IRS1: variants seen among roughly 807,000 people sequenced by gnomAD.
IRS1 encodes insulin receptor substrate 1.
IRS1 carries 34 observed loss-of-function variants against 65.6 expected under a neutral mutation model. The ratio of observed to expected loss-of-function variants is 0.52; its 90% CI spans 0.39 to 0.69. The LOEUF (loss-of-function observed/expected upper bound fraction) is 0.69, where lower values mean the gene tolerates loss of function less well. Ranked by LOEUF, IRS1 falls within the 30% of genes least tolerant of loss-of-function variation. The pLI, the probability that IRS1 is intolerant of heterozygous loss-of-function variation, is 0.00. For missense variants in IRS1, 1,641 were observed against 1,720.2 expected (o/e 0.95, Z 0.81); for synonymous variants, 699 against 683.5 (o/e 1.02, Z -0.35).
intron 1 of IRS1, among the ~76,000 whole-genome samples, chr2:226,778,133 T>C (rs116216537): frequency 0.01 from 1,587 of 152,284 alleles, 23 homozygotes; most frequent in African/African-American, 0.035. Flanking sequence ...TATTTAAATA[T>C]GGTCATCGTG....
chr2:226,760,871 C>T (rs1938903804), intron 1 of IRS1, among the ~76,000 whole-genome samples: 1 of 152,154 alleles, frequency 6.6e-6, no homozygotes, highest in African/African-American at 2.4e-5. Context: ...GAAAACTTGC[C>T]ATCAAAGCTG....
At position 226,796,346 on chromosome 2, in the gene IRS1, A is replaced by G. The variant is rs1312589218; in HGVS notation, c.2393T>C (p.Leu798Pro). 6.2e-7 allele frequency: 1 copy of G among 1,613,352 alleles called. No homozygotes were observed. The highest frequency in any genetic ancestry group is 1.1e-5 in the South Asian group (1 of 91,092). ...HLRLSTSSGR[L>P]LYAATADDSS... ...ATCATCTGCTGTTGCAGCATAGAGA[A>G]GGCGACCAGAGCTAGTGGAAAGGCG... The change falls in exon 1 of 2, where the codon CTT (leucine) becomes CCT (proline). Residue 798 changes from leucine to proline, a missense_variant. Physicochemically the swap from Leu to Pro is moderately conservative, Grantham distance 98. Around this residue, in one of 3 missense-constraint regions of IRS1, gnomAD observed 1,324 missense variants for 1,361.0 expected, o/e 0.97. Transcript: ENST00000305123.
At chr2:226,771,947 T>C (rs923902161) in intron 1 of IRS1, among the ~76,000 whole-genome samples, 1 of 152,218 alleles carries the variant, frequency 6.6e-6, no homozygotes, top group Non-Finnish European at 1.5e-5. Flanking sequence ...TTAGCCCACA[T>C]GTAGAACTTT....
At chr2:226,781,433 G>GCT (rs1045579361) in intron 1 of IRS1, among the ~76,000 whole-genome samples, 2 of 152,128 alleles carry the variant, frequency 1.3e-5, no homozygotes, top group Admixed American at 6.5e-5. Flanking sequence ...GTGGAATAGG[G>GCT]CTCTATTCAT....
rs751886962 is a variant in IRS1 at position 226,797,341 on chromosome 2, G to A, written c.1398C>T (p.Ile466=). ...ARGEEELSNY[I]CMGGKGPSTL... ...TGGAGGGCCCCTTGCCACCCATGCA[G>A]ATATAGTTGCTTAGCTCCTCCTCAC... Residue 466 remains isoleucine, a synonymous_variant, in exon 1 of 2, where the codon ATC becomes ATT. Transcript: ENST00000305123. The surrounding 1 kb of genome is among the most constrained non-coding windows in gnomAD (Gnocchi z 8.1). 8 of 1,613,306 alleles carry A rather than the reference G, an allele frequency of 5.0e-6. No homozygotes were observed. The South Asian group carries it at 8.8e-5, about 18-fold the overall frequency.
chr2:226,758,838 C>T (rs1294119941), intron 1 of IRS1, among the ~76,000 whole-genome samples: 1 of 152,204 alleles, frequency 6.6e-6, no homozygotes, highest in Non-Finnish European at 1.5e-5. Context: ...CACACCCAAC[C>T]TACCCTTCCT....
intron 1 of IRS1, chr2:226,792,524 A>G (rs1939632293): frequency 6.6e-6 from 1 of 152,380 alleles, no homozygotes; most frequent in Admixed American, 6.5e-5. Flanking sequence ...GCAGGCAGAA[A>G]AGGTCACTGG....
chr2:226,763,995 C>A (rs1938974477), intron 1 of IRS1, among the ~76,000 whole-genome samples: 1 of 151,910 alleles, frequency 6.6e-6, no homozygotes, highest in Non-Finnish European at 1.5e-5. Flanking sequence ...AACTTCAAAT[C>A]CAAATAAAAT....
intron 1 of IRS1, among the ~76,000 whole-genome samples, chr2:226,756,896 A>C (rs1427195245): frequency 6.6e-6 from 1 of 152,098 alleles, no homozygotes; most frequent in African/African-American, 2.4e-5. Flanking sequence ...CAGGAGGTGG[A>C]GGTTGCAGTG....
chr2:226,787,535 T>TTA (rs1310870703), intron 1 of IRS1, among the ~76,000 whole-genome samples: 2 of 152,164 alleles, frequency 1.3e-5, no homozygotes, highest in Non-Finnish European at 2.9e-5. Flanking sequence ...TTCATCCCCT[T>TTA]TCAATAAAAG....
At chr2:226,776,112 G>A (rs1939267557) in intron 1 of IRS1, among the ~76,000 whole-genome samples, 2 of 152,092 alleles carry the variant, frequency 1.3e-5, no homozygotes, top group African/African-American at 4.8e-5. Flanking sequence ...ATATTGGAGT[G>A]TCAAAAAGTA....
Position 226,797,312 on chromosome 2 carries a change from A to T in IRS1, c.1427T>A (p.Leu476Gln). 1 of 1,613,450 alleles carries T rather than the reference A, an allele frequency of 6.2e-7. No homozygotes were observed. Among genetic ancestry groups the T allele is most frequent in the Non-Finnish European group, 8.5e-7 (1 of 1,179,972 alleles). ...ICMGGKGPST[L>Q]TAPNGHYILS... ...AATGTAGTGACCGTTGGGGGCGGTC[A>T]GGGTGGAGGGCCCCTTGCCACCCAT... The change falls in exon 1 of 2, where the codon CTG becomes CAG. Residue 476 changes from leucine (L) to glutamine (Q), a missense_variant. This residue lies in a region of IRS1 where 1,324 missense variants were observed against 1,361.0 expected (regional missense o/e 0.97). Transcript: ENST00000305123. The surrounding 1 kb of genome is among the most constrained non-coding windows in gnomAD (Gnocchi z 8.1).
rs34695433 is a variant in IRS1 at position 226,781,865 on chromosome 2, T to TACACACACAC, written c.*21+13114_*21+13123dup. ...CCTTGCCCTCCTCCTCACCCCTAAA[T>TACACACACAC]ACACACACACACACACACACACACA... On this transcript the variant is annotated intron_variant, in intron 1 of 1. Transcript: ENST00000305123. Among the ~76,000 whole-genome samples the TACACACACAC allele has an allele frequency of 7.5e-3, 985 of 131,566 alleles. 7 individuals are homozygous for TACACACACAC. Among genetic ancestry groups the TACACACACAC allele is most frequent in the South Asian group, 0.019 (76 of 3,970 alleles). The allele number at this position is 131,566 out of a possible 152,430, so 86.3% of individuals were successfully genotyped here. A position where few individuals can be genotyped will look rare whatever the true frequency, so the allele number is the denominator to read the frequency against.
At position 226,799,489 on chromosome 2, in the gene IRS1, C is replaced by T; in HGVS notation, c.-751G>A. ...CATGCGAAACGATACCGGGCAGCCA[C>T]TGCAGCTGGGGACCGGCCGGAGGGA... On this transcript the variant is annotated 5_prime_UTR_variant, in exon 1 of 2. In the 5' UTR this introduces an upstream ATG that the reference lacks. Transcript: ENST00000305123. This position sits in a 1 kb window ranked among gnomAD's most constrained non-coding sequence, Gnocchi z 6.1. The T allele has an allele frequency of 8.7e-7, 1 of 1,155,712 alleles. No homozygotes were observed. The highest frequency in any genetic ancestry group is 1.7e-5 in the South Asian group (1 of 58,058). 71.6% of individuals were successfully genotyped at this position (1,155,712 alleles called of 1,614,324 possible).
chr2:226,799,583 G>A lies in IRS1; in HGVS notation c.-845C>T, dbSNP rs1939848690. The A allele has an allele frequency of 3.9e-6, 4 of 1,027,726 alleles. No individual in the cohort carries two copies. The highest frequency in any genetic ancestry group is 9.8e-4 in the Middle Eastern group (2 of 2,050). 63.7% of individuals were successfully genotyped at this position (1,027,726 alleles called of 1,614,324 possible). A position where few individuals can be genotyped will look rare whatever the true frequency, so the allele number is the denominator to read the frequency against. On this transcript the variant is annotated 5_prime_UTR_variant, in exon 1 of 2. Coordinates refer to ENST00000305123, the MANE Select transcript of IRS1 (RefSeq NM_005544.3). The surrounding 1 kb of genome is among the most constrained non-coding windows in gnomAD (Gnocchi z 6.1). Reference sequence around the variant, plus strand: ...GGAGGGGACAAGGGCGAGAGGGGATGGGGGAGGTTTGGGAAGGGTTCGGGG... The same window carrying A: ...GGAGGGGACAAGGGCGAGAGGGGATAGGGGAGGTTTGGGAAGGGTTCGGGG...
intron 1 of IRS1, among the ~76,000 whole-genome samples, chr2:226,764,769 CCGT>C (rs1938995305): frequency 1.3e-5 from 2 of 152,280 alleles, no homozygotes; most frequent in East Asian, 3.9e-4. Context: ...TCTTGGGTTG[CCGT>C]CGTCAAGGTT....
intron 1 of IRS1, among the ~76,000 whole-genome samples, chr2:226,758,887 A>C (rs1490676182): frequency 6.6e-6 from 1 of 152,214 alleles, no homozygotes. Context: ...TGCTCTACAG[A>C]TAGATACAGG....
intron 1 of IRS1, among the ~76,000 whole-genome samples, chr2:226,776,594 T>C (rs1375359509): frequency 6.6e-6 from 1 of 152,136 alleles, no homozygotes; most frequent in Non-Finnish European, 1.5e-5. Context: ...ATCAAGGTGA[T>C]GAAATGGCAC....
intron 1 of IRS1, among the ~76,000 whole-genome samples, chr2:226,755,700 T>A (rs1003471105): frequency 6.6e-6 from 1 of 152,216 alleles, no homozygotes; most frequent in Non-Finnish European, 1.5e-5. Flanking sequence ...CAACTTTGTA[T>A]TCCTTTCCCT....
Sources: gnomAD v4.1 joint callset for allele counts (sites outside exome capture counted in the v4.1 genomes callset) on GRCh38, gnomAD v4.1.1 for gene constraint, gnomAD v4.1.1 regional missense constraint, Gnocchi (gnomAD v3.1) non-coding constraint, MANE v1.5 for transcripts, NCBI Gene and HGNC (gene_info 2026-07-23, HGNC 2026-07-21) for gene names.